Variants in CNBD1 observed in about 807,000 individuals in gnomAD.
CNBD1 encodes the protein cyclic nucleotide-binding domain-containing protein 1.
CNBD1 carries 71 observed loss-of-function variants against 54.4 expected under a neutral mutation model. The ratio of observed to expected loss-of-function variants is 1.30; its 90% CI spans 1.08 to 1.59. CNBD1 has a LOEUF of 1.59. Among genes scored for constraint, CNBD1 ranks in the 40% most tolerant of loss-of-function variants. The probability of loss-of-function intolerance (pLI) is 0.00; values close to 1 mark genes in which losing one functional copy is unlikely to be tolerated. For synonymous variants in CNBD1, 182 were observed against 170.7 expected (o/e 1.07, Z -0.51); for missense variants, 659 against 518.0 (o/e 1.27, Z -2.64).
chr8:87,237,118 A>G lies in CNBD1; in HGVS notation c.771+6A>G. 6.4e-7 allele frequency: 1 copy of G among 1,571,846 alleles called. No individual in the cohort carries two copies. Among genetic ancestry groups the G allele is most frequent in the Non-Finnish European group, 8.7e-7 (1 of 1,153,626 alleles). On this transcript the variant is annotated splice_donor_region_variant and intron_variant, in intron 6 of 10. Coordinates refer to ENST00000518476, the MANE Select transcript of CNBD1 (RefSeq NM_173538.3). ...TACCTTCATATGACTCAATGGTAAG[A>G]GATGAGTATTTGCTTTTTCCACAAG...
At chr8:86,910,249 A>G (rs1169200284) in intron 3 of CNBD1, among the ~76,000 whole-genome samples, 4 of 152,136 alleles carry the variant, frequency 2.6e-5, no homozygotes, top group African/African-American at 9.7e-5. Context: ...GGGATACAAG[A>G]TCTGGAGTGC....
Position 87,370,832 on chromosome 8 carries a change from G to T in CNBD1, c.1304-11788G>T, listed in dbSNP as rs567163158. On this transcript the variant is annotated intron_variant, in intron 10 of 10. Coordinates refer to ENST00000518476, the MANE Select transcript of CNBD1 (RefSeq NM_173538.3). Reference sequence around the variant, plus strand: ...CTATGTCCTGAATGGTAATGCCTAGGTTTTCTTCTAGGGTTTTTATGGTTT... The same window carrying T: ...CTATGTCCTGAATGGTAATGCCTAGTTTTTCTTCTAGGGTTTTTATGGTTT... Among the ~76,000 whole-genome samples the T allele has an allele frequency of 6.0e-4, 91 of 150,458 alleles. 1 individual carries two copies. The South Asian group carries it at 0.01, about 17-fold the overall frequency.
At chr8:87,422,743 A>T (rs988238791) in intron 2 of CNBD1, among the ~76,000 whole-genome samples, 2 of 152,046 alleles carry the variant, frequency 1.3e-5, no homozygotes, top group African/African-American at 4.8e-5. Flanking sequence ...CTTAGGATTG[A>T]CTTGACGATG....
intron 3 of CNBD1, among the ~76,000 whole-genome samples, chr8:86,923,748 T>C (rs1216622772): frequency 6.6e-6 from 1 of 152,198 alleles, no homozygotes; most frequent in Non-Finnish European, 1.5e-5. Flanking sequence ...TTCAGTTTTG[T>C]TGAGAAAATA....
intron 2 of CNBD1, among the ~76,000 whole-genome samples, chr8:87,398,385 G>A (rs948170801): frequency 6.6e-6 from 1 of 151,688 alleles, no homozygotes; most frequent in African/African-American, 2.4e-5. Flanking sequence ...TAGAAATTCT[G>A]TAGTTCTACA....
chr8:87,017,070 C>G (rs1809371665), intron 4 of CNBD1, among the ~76,000 whole-genome samples: 1 of 152,132 alleles, frequency 6.6e-6, no homozygotes, highest in Non-Finnish European at 1.5e-5. Context: ...TGCTATCCCC[C>G]ATAGGTCATA....
intron 4 of CNBD1, among the ~76,000 whole-genome samples, chr8:86,961,308 T>C (rs1442764180): frequency 6.6e-6 from 1 of 152,134 alleles, no homozygotes; most frequent in Non-Finnish European, 1.5e-5. Flanking sequence ...TCTATGACAG[T>C]TTGATTTTTA....
intron 2 of CNBD1, among the ~76,000 whole-genome samples, chr8:87,411,983 C>A (rs1247577181): frequency 6.6e-6 from 1 of 151,878 alleles, no homozygotes; most frequent in Non-Finnish European, 1.5e-5. Context: ...ATTACTACAA[C>A]TGAATGAAAT....
chr8:86,918,983 A>G (rs1246235069), intron 3 of CNBD1, among the ~76,000 whole-genome samples: 1 of 151,622 alleles, frequency 6.6e-6, no homozygotes, highest in Non-Finnish European at 1.5e-5. Flanking sequence ...TTGTAAGAAC[A>G]TGTGGTATTT....
chr8:87,184,259 T>C (rs1813427002), intron 4 of CNBD1, among the ~76,000 whole-genome samples: 1 of 152,114 alleles, frequency 6.6e-6, no homozygotes. Flanking sequence ...GCAAACTTTT[T>C]AGTGGGGCAG....
chr8:87,031,539 A>G (rs1011461445), intron 4 of CNBD1, among the ~76,000 whole-genome samples: 11 of 152,190 alleles, frequency 7.2e-5, no homozygotes, highest in South Asian at 6.2e-4. Flanking sequence ...ATACTCCAGG[A>G]TGATCTCATC....
chr8:87,308,782 C>T (rs1809207406), intron 8 of CNBD1, among the ~76,000 whole-genome samples: 1 of 152,134 alleles, frequency 6.6e-6, no homozygotes, highest in African/African-American at 2.4e-5. Context: ...GATAATTCTA[C>T]TCTGTACCTC....
chr8:86,935,870 A>G (rs1322989599), intron 3 of CNBD1, among the ~76,000 whole-genome samples: 1 of 145,864 alleles, frequency 6.9e-6, no homozygotes, highest in Non-Finnish European at 1.5e-5. Flanking sequence ...GGGGCTGAGC[A>G]TAGTGACTCA....
At chr8:87,079,003 A>G (rs552384597) in intron 4 of CNBD1, among the ~76,000 whole-genome samples, 1 of 152,214 alleles carries the variant, frequency 6.6e-6, no homozygotes, top group East Asian at 1.9e-4. Context: ...TTATGCCCAT[A>G]GGCAGTCTAT....
intron 4 of CNBD1, among the ~76,000 whole-genome samples, chr8:86,993,773 A>G (rs1808807796): frequency 6.6e-6 from 1 of 152,218 alleles, no homozygotes; most frequent in South Asian, 2.1e-4. Context: ...ATGCTGTTTT[A>G]GAGTAGTGAC....
intron 4 of CNBD1, among the ~76,000 whole-genome samples, chr8:87,198,326 G>C (rs1191704595): frequency 6.6e-6 from 1 of 152,178 alleles, no homozygotes; most frequent in African/African-American, 2.4e-5. Flanking sequence ...CAGCTCCATG[G>C]AAAAACCCCA....
At chr8:87,281,545 T>TAGATATAG (rs1351929699) in intron 6 of CNBD1, among the ~76,000 whole-genome samples, 8 of 1,080 alleles carry the variant, frequency 7.4e-3, no homozygotes, top group African/African-American at 0.01. Flanking sequence ...GGCTAAGATA[T>TAGATATAG]ATATATATAT....
chr8:87,143,823 A>G (rs1383459737), intron 4 of CNBD1, among the ~76,000 whole-genome samples: 1 of 152,114 alleles, frequency 6.6e-6, no homozygotes, highest in Non-Finnish European at 1.5e-5. Flanking sequence ...TGGAGAATAA[A>G]ATCTTTTATA....
intron 4 of CNBD1, among the ~76,000 whole-genome samples, chr8:87,111,528 A>G (rs114016438): frequency 1.9e-3 from 289 of 152,278 alleles, no homozygotes; most frequent in African/African-American, 6.6e-3. Context: ...TGTACCTGCC[A>G]GGGAATTGCA....
Sources: allele counts gnomAD v4.1 joint callset (sites outside exome capture counted in the v4.1 genomes callset), GRCh38; gene constraint gnomAD v4.1.1; transcripts MANE v1.5; gene names NCBI Gene and HGNC (gene_info 2026-07-23, HGNC 2026-07-21).